The following IL1RAPL1 variants were observed in gnomAD, a reference collection of about 807,000 sequenced individuals.
IL1RAPL1 encodes the protein interleukin-1 receptor accessory protein-like 1.
In IL1RAPL1, 3 loss-of-function variants were observed where a neutral mutation model predicts 48.4. The observed-to-expected ratio is 0.06, with a 90% confidence interval of 0.03 to 0.16. The LOEUF (loss-of-function observed/expected upper bound fraction) is 0.16, where lower values mean the gene tolerates loss of function less well. Among genes scored for constraint, IL1RAPL1 ranks in the 10% least tolerant of loss-of-function variants. The probability of loss-of-function intolerance (pLI) is 1.00; values close to 1 mark genes in which losing one functional copy is unlikely to be tolerated. For missense variants in IL1RAPL1, 349 were observed against 530.6 expected (o/e 0.66, Z 3.36); for synonymous variants, 185 against 187.7 (o/e 0.99, Z 0.12).
intron 2 of IL1RAPL1, among the ~76,000 whole-genome samples, chrX:29,040,224 A>G (rs945734256): frequency 8.9e-6 from 1 of 112,026 alleles, no homozygotes; most frequent in Non-Finnish European, 1.9e-5. Flanking sequence ...CTACCTTAAA[A>G]CACACCTTCT....
chrX:28,724,868 A>G (rs1935644310), intron 1 of IL1RAPL1, among the ~76,000 whole-genome samples: 2 of 109,788 alleles, frequency 1.8e-5, no homozygotes, highest in Non-Finnish European at 3.8e-5. Context: ...ACTGCTGATT[A>G]TTCTATACAA....
intron 6 of IL1RAPL1, among the ~76,000 whole-genome samples, chrX:29,815,077 A>G (rs761087379): frequency 9.0e-6 from 1 of 111,633 alleles, no homozygotes; most frequent in South Asian, 3.7e-4. Context: ...TTGGTTCTGT[A>G]TAAATTTTAG....
At chrX:28,911,815 A>T (rs376935892) in intron 2 of IL1RAPL1, among the ~76,000 whole-genome samples, 1 of 108,930 alleles carries the variant, frequency 9.2e-6, no homozygotes, top group Admixed American at 1.0e-4. Context: ...ATTGCTTCCA[A>T]TCGTCAGGGA....
intron 3 of IL1RAPL1, among the ~76,000 whole-genome samples, chrX:29,338,527 C>T (rs1933028470): frequency 8.9e-6 from 1 of 112,048 alleles, no homozygotes; most frequent in Non-Finnish European, 1.9e-5. Context: ...TTACAACTCT[C>T]TGAGGGACAA....
chrX:29,904,206 G>C (rs1932561026), intron 6 of IL1RAPL1, among the ~76,000 whole-genome samples: 1 of 111,297 alleles, frequency 9.0e-6, no homozygotes, highest in African/African-American at 3.3e-5. Context: ...AAGAGCTGTG[G>C]TGGTTGGCTC....
intron 2 of IL1RAPL1, among the ~76,000 whole-genome samples, chrX:29,254,579 T>C (rs1202684483): frequency 1.8e-5 from 2 of 111,183 alleles, no homozygotes; most frequent in Non-Finnish European, 3.8e-5. Context: ...AAAAGACATG[T>C]TCCAGTTCAA....
chrX:29,802,797 A>G (rs6630963), intron 6 of IL1RAPL1, among the ~76,000 whole-genome samples: 7 of 58,291 alleles, frequency 1.2e-4, no homozygotes, highest in African/African-American at 6.7e-4. Context: ...GTGTGTATAT[A>G]TATATATATA....
chrX:29,203,748 TATATATATATA>T (rs1930608322), intron 2 of IL1RAPL1, among the ~76,000 whole-genome samples: 1 of 89,694 alleles, frequency 1.1e-5, no homozygotes, highest in Non-Finnish European at 2.1e-5. Flanking sequence ...TATATATATA[TATATATATATA>T]TAGTTAACTA....
rs188456850 is a variant in IL1RAPL1, at chrX:29,928,489, C to T, written c.1057+8395C>T. Among the ~76,000 whole-genome samples the T allele has an allele frequency of 2.5e-3, 275 of 112,062 alleles. 1 individual carries two copies. The highest frequency in any genetic ancestry group is 8.8e-3 in the African/African-American group (273 of 30,875). On this transcript the variant is annotated intron_variant, in intron 8 of 10. Coordinates refer to ENST00000378993, the MANE Select transcript of IL1RAPL1 (RefSeq NM_014271.4). ...AATACTTCATAATCCCACTACAAAT[C>T]TCACTTCACTGCAGGCTGCTTAAAA...
intron 3 of IL1RAPL1, among the ~76,000 whole-genome samples, chrX:29,310,093 C>CAAAAAAAAAAAAAA (rs57210050): frequency 8.4e-5 from 2 of 23,736 alleles, no homozygotes; most frequent in East Asian, 2.3e-3. Context: ...GACTCCGTCT[C>CAAAAAAAAAAAAAA]AAAAAAAAAA....
chrX:28,720,997 A>G (rs761947993), intron 1 of IL1RAPL1, among the ~76,000 whole-genome samples: 1 of 112,262 alleles, frequency 8.9e-6, no homozygotes, highest in Admixed American at 9.5e-5. Flanking sequence ...TCTATCATTG[A>G]TGGACATTTG....
At chrX:28,591,867 A>G (rs1471559848) in intron 1 of IL1RAPL1, among the ~76,000 whole-genome samples, 1 of 111,662 alleles carries the variant, frequency 9.0e-6, no homozygotes, top group Admixed American at 9.6e-5. Context: ...AAATAGTTGC[A>G]CATTGCTCTA....
At chrX:28,766,711 G>A (rs761080263) in intron 1 of IL1RAPL1, among the ~76,000 whole-genome samples, 2 of 110,185 alleles carry the variant, frequency 1.8e-5, no homozygotes, top group African/African-American at 6.6e-5. Context: ...CCAGCCTCTG[G>A]TAACCATCCT....
chrX:29,525,419 C>G (rs1461446339), intron 5 of IL1RAPL1, among the ~76,000 whole-genome samples: 1 of 112,019 alleles, frequency 8.9e-6, no homozygotes, highest in Non-Finnish European at 1.9e-5. Context: ...AGAGAAGGCA[C>G]TAGAAGGGGG....
intron 2 of IL1RAPL1, among the ~76,000 whole-genome samples, chrX:28,852,778 C>T (rs1921697022): frequency 9.0e-6 from 1 of 111,254 alleles, no homozygotes. Flanking sequence ...CAAAGCTTTA[C>T]AGGGTAATGG....
chrX:29,345,011 C>G (rs1381794461), intron 3 of IL1RAPL1, among the ~76,000 whole-genome samples: 1 of 112,805 alleles, frequency 8.9e-6, no homozygotes, highest in Non-Finnish European at 1.9e-5. Flanking sequence ...CGTAGATCAT[C>G]TTTTTAACTG....
chrX:28,772,211 ATATGGTTCTT>A (rs1425639778), intron 1 of IL1RAPL1, among the ~76,000 whole-genome samples: 1 of 111,288 alleles, frequency 9.0e-6, no homozygotes, highest in Non-Finnish European at 1.9e-5. Context: ...GATAACATTA[ATATGGTTCTT>A]TATCATGTTG....
At chrX:29,455,170 C>T (rs112008609) in intron 5 of IL1RAPL1, among the ~76,000 whole-genome samples, 33 of 111,066 alleles carry the variant, frequency 3.0e-4, no homozygotes, top group Non-Finnish European at 4.7e-4. Flanking sequence ...CCATGGCACA[C>T]GTTTACCTAT....
chrX:29,685,828 T>C (rs148291728), intron 6 of IL1RAPL1, among the ~76,000 whole-genome samples: 398 of 105,612 alleles, frequency 3.8e-3, no homozygotes, highest in African/African-American at 0.014. Context: ...CTACTAAAAA[T>C]ACAAAAATTA....
Sources: gnomAD v4.1 joint callset for allele counts (sites outside exome capture counted in the v4.1 genomes callset) on GRCh38, gnomAD v4.1.1 for gene constraint, MANE v1.5 for transcripts, NCBI Gene and HGNC (gene_info 2026-07-23, HGNC 2026-07-21) for gene names.